Variants in IL34 observed in about 807,000 individuals in gnomAD.
The protein encoded by IL34 is interleukin 34.
In IL34, 17 loss-of-function variants were observed where a neutral mutation model predicts 25.3. That is an observed-to-expected ratio of 0.67 (90% CI 0.46 to 1.01). The LOEUF is 1.01. Ranked by LOEUF, IL34 falls within the 50% of genes least tolerant of loss-of-function variation. IL34 has a pLI of 0.00. For synonymous variants in IL34, 174 were observed against 140.9 expected, an observed-to-expected ratio of 1.23 and a Z score of -1.66; for missense variants, 368 against 312.9, an observed-to-expected ratio of 1.18 and a Z score of -1.33.
chr16:70,627,348 C>G (rs972251755), intron 1 of IL34, among the ~76,000 whole-genome samples: 1 of 152,112 alleles, frequency 6.6e-6, no homozygotes, highest in Non-Finnish European at 1.5e-5. Context: ...ACCCTTGCAA[C>G]TATTACCAGC....
chr16:70,644,804 A>G (rs56990872), upstream of IL34, among the ~76,000 whole-genome samples: 5,310 of 127,380 alleles, frequency 0.042, 628 homozygotes, highest in African/African-American at 0.17. Flanking sequence ...AGGGAGGAGG[A>G]ATGAAAAGGA....
chr16:70,637,233 C>T (rs528862139), intron 1 of IL34, among the ~76,000 whole-genome samples: 3 of 151,922 alleles, frequency 2.0e-5, no homozygotes, highest in African/African-American at 4.8e-5. Flanking sequence ...TGATCCTTCC[C>T]CATTTTTTAA....
intron 1 of IL34, among the ~76,000 whole-genome samples, chr16:70,611,520 G>T (rs979656615): frequency 6.6e-6 from 1 of 152,102 alleles, no homozygotes. Context: ...TGGGTGCAGT[G>T]GCTCACACCT....
At chr16:70,618,632 G>C (rs1047395364) in intron 1 of IL34, among the ~76,000 whole-genome samples, 4 of 152,176 alleles carry the variant, frequency 2.6e-5, no homozygotes, top group African/African-American at 9.7e-5. Context: ...AGGTTACAGG[G>C]TGTGGTCCTG....
At chr16:70,595,444 T>C (rs980677137) in intron 1 of IL34, among the ~76,000 whole-genome samples, 1 of 152,040 alleles carries the variant, frequency 6.6e-6, no homozygotes, top group African/African-American at 2.4e-5. Flanking sequence ...CCTCAGCCTC[T>C]CGTGTAGCTG....
rs115378608 is a variant in IL34 at position 70,609,476 on chromosome 16, A to G, written c.-401+29427A>G. On this transcript the variant is annotated intron_variant, in intron 1 of 6. Transcript: ENST00000429149. The stretch of plus-strand genomic sequence containing the variant: ...CTCAGCCTTAGTCTTCTGTTTGTAA[A>G]ATGGAGATGATGACACCCGGAGGTG... Among the ~76,000 whole-genome samples, 947 of 152,216 alleles carry G rather than the reference A, an allele frequency of 6.2e-3. 10 individuals carry two copies. Among genetic ancestry groups the G allele is most frequent in the African/African-American group, 0.021 (858 of 41,530 alleles).
intron 1 of IL34, among the ~76,000 whole-genome samples, chr16:70,594,103 C>G (rs920887328): frequency 1.3e-5 from 2 of 152,162 alleles, no homozygotes; most frequent in Non-Finnish European, 2.9e-5. Flanking sequence ...TGTTGTCCTT[C>G]TAGGTCTTTT....
chr16:70,643,136 C>T (rs2151864999), upstream of IL34, among the ~76,000 whole-genome samples: 1 of 152,248 alleles, frequency 6.6e-6, no homozygotes, highest in South Asian at 2.1e-4. Context: ...TACCTCGGCT[C>T]ACTGCAACCT....
chr16:70,617,524 T>G (rs2051192084), intron 1 of IL34, among the ~76,000 whole-genome samples: 1 of 152,186 alleles, frequency 6.6e-6, no homozygotes, highest in Non-Finnish European at 1.5e-5. Context: ...GTGTCTGGAA[T>G]GAGACTGGGG....
chr16:70,657,182 T>TGTG, intron 4 of IL34, 61 bp downstream of exon 4: 1 of 1,548,832 alleles, frequency 6.5e-7, no homozygotes, highest in South Asian at 1.2e-5. Flanking sequence ...TGTACATGTG[T>TGTG]GTGAGGTGTG....
chr16:70,652,174 G>T lies in IL34; in HGVS notation c.29-2364G>T, dbSNP rs547764525. On this transcript the variant is annotated intron_variant, in intron 1 of 5. Coordinates refer to ENST00000288098, the MANE Select transcript of IL34 (RefSeq NM_001393494.1). ...AAAAATAAATGTCCTGCAAGGCCAA[G>T]GCCAGGTGTGGTGGCTCATGCCTGT... Among the ~76,000 whole-genome samples the T allele has an allele frequency of 6.6e-5, 10 of 152,110 alleles. No homozygotes were observed. In the South Asian group the frequency reaches 2.1e-3, roughly 32 times the overall value.
chr16:70,608,247 G>A (rs1337724935), intron 1 of IL34, among the ~76,000 whole-genome samples: 1 of 150,314 alleles, frequency 6.7e-6, no homozygotes, highest in African/African-American at 2.5e-5. Context: ...TCCTGCCTTA[G>A]CCTCATTTGT....
upstream of IL34, among the ~76,000 whole-genome samples, chr16:70,642,841 C>T (rs1245813480): frequency 2.6e-5 from 4 of 152,056 alleles, no homozygotes; most frequent in African/African-American, 9.7e-5. Flanking sequence ...CATAATCAAT[C>T]CCATTTATAT....
chr16:70,658,922 C>T (rs1391040679), intron 4 of IL34, among the ~76,000 whole-genome samples: 1 of 152,184 alleles, frequency 6.6e-6, no homozygotes, highest in African/African-American at 2.4e-5. Flanking sequence ...GAACCTATTT[C>T]CAAATAGGGT....
At chr16:70,595,075 C>T (rs2050802856) in intron 1 of IL34, among the ~76,000 whole-genome samples, 1 of 151,946 alleles carries the variant, frequency 6.6e-6, no homozygotes, top group Admixed American at 6.6e-5. Context: ...CTGCCTCAGG[C>T]TCCCAAGTAG....
chr16:70,646,370 CT>C (rs1284905794), upstream of IL34, among the ~76,000 whole-genome samples: 2 of 152,198 alleles, frequency 1.3e-5, no homozygotes, highest in African/African-American at 4.8e-5. Flanking sequence ...GTCATCATAA[CT>C]CACTCATGGG....
chr16:70,635,456 C>T (rs1056372933), intron 1 of IL34, among the ~76,000 whole-genome samples: 1 of 152,176 alleles, frequency 6.6e-6, no homozygotes, highest in African/African-American at 2.4e-5. Flanking sequence ...TGTCCCAGTA[C>T]CAGTGTGGAT....
At chr16:70,649,664 G>T (rs577820426) in intron 1 of IL34, among the ~76,000 whole-genome samples, 5 of 152,276 alleles carry the variant, frequency 3.3e-5, no homozygotes, top group Non-Finnish European at 5.9e-5. Context: ...TGGTCCCCGG[G>T]GCTGGGGGTG....
rs776463717 is a variant in IL34 at position 70,659,749 on chromosome 16, C to T, written c.534C>T (p.Ser178=). ...GGGTCATGGAGCTGCTGTACTGCTC[C>T]TGCTGTAAGGAGCTCTCAGGGGATG... ...CFRVMELLYC[S]CCKQSSVLNW... is the part of the protein sequence containing the mutation. Residue 178 remains serine, a synonymous_variant, in exon 5 of 6, where the codon TCC becomes TCT. Coordinates refer to ENST00000288098, the MANE Select transcript of IL34 (RefSeq NM_001393494.1). 1 of 1,600,422 alleles carries T rather than the reference C, an allele frequency of 6.2e-7. No homozygotes were observed. The highest frequency in any genetic ancestry group is 8.5e-7 in the Non-Finnish European group (1 of 1,172,268).
Sources: gnomAD v4.1 joint callset for allele counts (sites outside exome capture counted in the v4.1 genomes callset) on GRCh38, gnomAD v4.1.1 for gene constraint, MANE v1.5 for transcripts, NCBI Gene and HGNC (gene_info 2026-07-23, HGNC 2026-07-21) for gene names.